The following PTPRD variants were observed in gnomAD, a reference collection of about 807,000 sequenced individuals.
The protein encoded by PTPRD is protein tyrosine phosphatase receptor type D, also known as receptor-type tyrosine-protein phosphatase delta.
Under a neutral mutation model 214.5 loss-of-function variants are expected in PTPRD, and 34 were observed. The observed-to-expected ratio is 0.16, with a 90% CI of 0.12 to 0.21. PTPRD has a LOEUF of 0.21. Among genes scored for constraint, PTPRD ranks in the 10% least tolerant of loss-of-function variants. The pLI, the probability that PTPRD is intolerant of heterozygous loss-of-function variation, is 1.00. For missense variants in PTPRD, 2,545 were observed against 2,398.7 expected (o/e 1.06, Z -1.27); for synonymous variants, 1,128 against 845.7 (o/e 1.33, Z -5.79).
chr9:9,188,808 TTG>T (rs5896310), intron 9 of PTPRD, among the ~76,000 whole-genome samples: 10,803 of 148,394 alleles, frequency 0.073, 823 homozygotes, highest in African/African-American at 0.19. Flanking sequence ...GCAAAATAAA[TTG>T]TGTGTGTGTG....
intron 10 of PTPRD, among the ~76,000 whole-genome samples, chr9:9,133,506 A>G (rs1388534956): frequency 6.6e-6 from 1 of 152,162 alleles, no homozygotes; most frequent in African/African-American, 2.4e-5. Context: ...GCAAAAGGGA[A>G]TTTCTAGAAA....
intron 23 of PTPRD, among the ~76,000 whole-genome samples, chr9:8,501,586 T>C (rs1419632982): frequency 6.6e-6 from 1 of 152,228 alleles, no homozygotes; most frequent in Non-Finnish European, 1.5e-5. Context: ...AATGCCCTTC[T>C]ACCAGTTCCA....
intron 10 of PTPRD, among the ~76,000 whole-genome samples, chr9:9,070,257 G>A (rs1411725716): frequency 1.3e-5 from 2 of 152,172 alleles, no homozygotes; most frequent in East Asian, 3.9e-4. Flanking sequence ...TTGTCAAGGA[G>A]TAAATCAATG....
intron 4 of PTPRD, among the ~76,000 whole-genome samples, chr9:9,943,898 C>G (rs2092108421): frequency 6.6e-6 from 1 of 152,168 alleles, no homozygotes; most frequent in Non-Finnish European, 1.5e-5. Context: ...TGCAAATTGC[C>G]CTAAGCTGTC....
At chr9:9,238,828 T>G (rs1191744075) in intron 9 of PTPRD, among the ~76,000 whole-genome samples, 2 of 152,194 alleles carry the variant, frequency 1.3e-5, no homozygotes, top group African/African-American at 2.4e-5. Flanking sequence ...TCCACGTATC[T>G]GATTAAATTG....
intron 9 of PTPRD, among the ~76,000 whole-genome samples, chr9:9,195,113 C>A (rs1033891054): frequency 2.2e-4 from 25 of 113,656 alleles, no homozygotes; most frequent in Admixed American, 1.0e-3. Context: ...TATATACACA[C>A]ACACACATAT....
chr9:10,301,712 G>T (rs1332354936), intron 3 of PTPRD, among the ~76,000 whole-genome samples: 2 of 152,070 alleles, frequency 1.3e-5, no homozygotes, highest in Non-Finnish European at 2.9e-5. Context: ...GAGAAGACAA[G>T]ATCAGAGAAA....
chr9:8,916,514 G>A (rs1015229560), intron 11 of PTPRD, among the ~76,000 whole-genome samples: 1 of 152,118 alleles, frequency 6.6e-6, no homozygotes, highest in Non-Finnish European at 1.5e-5. Flanking sequence ...AATTAGTGAC[G>A]ATGAACTGGA....
chr9:8,633,764 T>C lies in PTPRD; in HGVS notation c.211-306A>G, dbSNP rs138987389. Reference sequence around the variant, plus strand: ...ATCTAGGGCAATTTGACTCTATTAATTTTGCAAGAGGCTTGCAGCTATAAT... The same window carrying C: ...ATCTAGGGCAATTTGACTCTATTAACTTTGCAAGAGGCTTGCAGCTATAAT... On this transcript the variant is annotated intron_variant, in intron 13 of 45. Coordinates refer to ENST00000381196, the MANE Select transcript of PTPRD (RefSeq NM_002839.4). 2.4e-4 allele frequency among the ~76,000 whole-genome samples: 37 copies of C among 152,226 alleles called. No individual in the cohort carries two copies. In the East Asian group the frequency reaches 5.6e-3, roughly 23 times the overall value.
At chr9:8,792,602 G>C (rs1264653010) in intron 11 of PTPRD, among the ~76,000 whole-genome samples, 2 of 152,188 alleles carry the variant, frequency 1.3e-5, no homozygotes, top group Non-Finnish European at 1.5e-5. Context: ...CCCCAGCTGA[G>C]AAGAGGGGCT....
intron 10 of PTPRD, among the ~76,000 whole-genome samples, chr9:9,162,885 G>C (rs999231841): frequency 1.3e-5 from 2 of 151,988 alleles, no homozygotes; most frequent in Non-Finnish European, 2.9e-5. Context: ...CTTACATGTT[G>C]CGAAATGTAG....
chr9:8,607,438 T>C (rs935016911), intron 14 of PTPRD, among the ~76,000 whole-genome samples: 2 of 151,848 alleles, frequency 1.3e-5, no homozygotes, highest in African/African-American at 4.8e-5. Context: ...AGGTCAGGAG[T>C]TTGAGATCAG....
chr9:9,023,713 A>G (rs1184434881), intron 10 of PTPRD, among the ~76,000 whole-genome samples: 4 of 151,796 alleles, frequency 2.6e-5, no homozygotes, highest in Non-Finnish European at 4.4e-5. Context: ...GTTCATGTCC[A>G]TGTGTGCTCA....
At chr9:10,394,667 T>G in intron 2 of PTPRD, among the ~76,000 whole-genome samples, 1 of 152,036 alleles carries the variant, frequency 6.6e-6, no homozygotes, top group South Asian at 2.1e-4. Context: ...ATTAATAACC[T>G]TCATAAAAAT....
At chr9:9,087,205 C>T (rs523872) in intron 10 of PTPRD, among the ~76,000 whole-genome samples, 95,156 of 151,964 alleles carry the variant, frequency 0.63, 30,571 homozygotes, top group Non-Finnish European at 0.7. Flanking sequence ...TTACTATAAA[C>T]GTGTGAAACA....
In PTPRD at chr9:10,262,873, C is replaced by T. The variant is rs186835085; in HGVS notation, c.-545+78090G>A. Among the ~76,000 whole-genome samples, 187 of 152,262 alleles carry T rather than the reference C, an allele frequency of 1.2e-3. 4 individuals carry two copies. Among genetic ancestry groups the T allele is most frequent in the Admixed American group, 5.2e-3 (80 of 15,294 alleles). On this transcript the variant is annotated intron_variant, in intron 3 of 45. Transcript: ENST00000381196. ...CACCAAATCTCATCTTGAATTGTAG[C>T]TCCCATAATTCCCACATGTTGTGGG...
chr9:9,024,777 A>T (rs1314189743), intron 10 of PTPRD, among the ~76,000 whole-genome samples: 1 of 151,874 alleles, frequency 6.6e-6, no homozygotes, highest in African/African-American at 2.4e-5. Context: ...TTCTATAATT[A>T]CTTGTAATAA....
intron 8 of PTPRD, among the ~76,000 whole-genome samples, chr9:9,511,846 G>T (rs766635156): frequency 2.6e-5 from 4 of 151,686 alleles, no homozygotes; most frequent in Non-Finnish European, 5.9e-5. Flanking sequence ...AAAAGCCAAA[G>T]TTAAACTATT....
rs560863505 is a variant in PTPRD at position 8,583,198 on chromosome 9, T to G, written c.352+50119A>C. ...TATGAGAATCTAACGCCTCCACTGA[T>G]CTGACAGGAGGCAGAGCTCAGGCCA... On this transcript the variant is annotated intron_variant, in intron 14 of 45. Transcript: ENST00000381196. Among the ~76,000 whole-genome samples, 452 of 152,292 alleles carry G rather than the reference T, an allele frequency of 3.0e-3. 2 individuals are homozygous for G. The highest frequency in any genetic ancestry group is 0.01 in the African/African-American group (428 of 41,570).
Sources: allele counts gnomAD v4.1 joint callset (sites outside exome capture counted in the v4.1 genomes callset), GRCh38; gene constraint gnomAD v4.1.1; transcripts MANE v1.5; gene names NCBI Gene and HGNC (gene_info 2026-07-23, HGNC 2026-07-21).